Variants in EDNRB observed in about 807,000 individuals in gnomAD.
EDNRB encodes Hirschsprung disease 2.
Under a neutral mutation model 46.4 loss-of-function variants are expected in EDNRB, and 18 were observed. The observed-to-expected ratio is 0.39, with a 90% CI of 0.27 to 0.57. The LOEUF (loss-of-function observed/expected upper bound fraction) is 0.57, where lower values mean the gene tolerates loss of function less well. Among genes scored for constraint, EDNRB ranks in the 20% least tolerant of loss-of-function variants. The pLI, the probability that EDNRB is intolerant of heterozygous loss-of-function variation, is 0.61. For synonymous variants in EDNRB, 213 were observed against 204.9 expected (o/e 1.04, Z -0.34); for missense variants, 434 against 537.5 (o/e 0.81, Z 1.90).
chr13:77,934,683 G>T (rs533537846), intron 1 of EDNRB, among the ~76,000 whole-genome samples: 64 of 150,994 alleles, frequency 4.2e-4, no homozygotes, highest in African/African-American at 1.4e-3. Context: ...TAGGAAAGGG[G>T]GGGGGGGGCC....
intron 1 of EDNRB, chr13:77,947,635 C>T (rs1035206622): frequency 2.0e-5 from 3 of 152,132 alleles, no homozygotes; most frequent in African/African-American, 7.2e-5. Flanking sequence ...CCTGGGGGCT[C>T]ACCATATTGA....
At chr13:77,901,295 G>A in intron 3 of EDNRB, 88 bp from the exon 4 acceptor site, 1 of 1,378,004 alleles carries the variant, frequency 7.3e-7, no homozygotes, top group Non-Finnish European at 1.0e-6. Context: ...AATTCATCAG[G>A]GAATGATTAT....
intron 1 of EDNRB, among the ~76,000 whole-genome samples, chr13:77,971,198 AG>A (rs1054359832): frequency 3.3e-5 from 5 of 152,332 alleles, no homozygotes; most frequent in East Asian, 1.9e-4. Flanking sequence ...GGCGGGGTTT[AG>A]GGTGTTGTAA....
chr13:77,943,358 A>G (rs1594388656), intron 1 of EDNRB, among the ~76,000 whole-genome samples: 1 of 152,104 alleles, frequency 6.6e-6, no homozygotes, highest in East Asian at 1.9e-4. Flanking sequence ...TCTATTAATG[A>G]TGGAGGTTTC....
intron 1 of EDNRB, among the ~76,000 whole-genome samples, chr13:77,925,304 T>C (rs1880205761): frequency 6.6e-6 from 1 of 152,252 alleles, no homozygotes; most frequent in South Asian, 2.1e-4. Flanking sequence ...TGCAAATACC[T>C]CTTTTAATTC....
intron 3 of EDNRB, 138 bp from the exon 4 acceptor site, chr13:77,901,345 C>A (rs3027105): frequency 8.7e-6 from 8 of 923,764 alleles, no homozygotes; most frequent in Admixed American, 2.4e-5. Flanking sequence ...CATACAGAAT[C>A]TTTCAGGCCA....
In EDNRB at chr13:77,918,028, C is replaced by G. The variant is rs537412849; in HGVS notation, c.483+63G>C. On this transcript the variant is annotated intron_variant, in intron 1 of 6. Transcript: ENST00000646607. The surrounding 1 kb of genome is among the most constrained non-coding windows in gnomAD (Gnocchi z 4.5). ...AAGCTCCCTCTACAAGCTTTCTCAT[C>G]TCCCCGTCTCCAACCAGGCCCCCTT... is the stretch of plus-strand genomic sequence containing the variant. 6.2e-7 allele frequency: 1 copy of G among 1,611,992 alleles called. No individual in the cohort carries two copies. Among genetic ancestry groups the G allele is most frequent in the Non-Finnish European group, 8.5e-7 (1 of 1,179,772 alleles).
At chr13:77,970,664 T>C (rs73552441) in intron 1 of EDNRB, among the ~76,000 whole-genome samples, 37,714 of 152,028 alleles carry the variant, frequency 0.25, 5,837 homozygotes, top group East Asian at 0.54. Flanking sequence ...GTTCTTAATT[T>C]TATTTTAAAA....
intron 1 of EDNRB, among the ~76,000 whole-genome samples, chr13:77,926,545 G>T (rs2137649502): frequency 6.6e-6 from 1 of 152,216 alleles, no homozygotes; most frequent in Admixed American, 6.5e-5. Context: ...CTCCATCTGA[G>T]ACCACCTCAG....
At chr13:77,904,229 G>A (rs534977022) in intron 1 of EDNRB, among the ~76,000 whole-genome samples, 6 of 151,856 alleles carry the variant, frequency 4.0e-5, no homozygotes, top group Non-Finnish European at 7.4e-5. Context: ...TGGTTAACTC[G>A]CTTATCTCCT....
At chr13:77,966,367 C>T (rs1469767078) in intron 1 of EDNRB, among the ~76,000 whole-genome samples, 1 of 152,156 alleles carries the variant, frequency 6.6e-6, no homozygotes, top group South Asian at 2.1e-4. Context: ...ACAAACTATA[C>T]TGTCCTAACA....
intron 1 of EDNRB, among the ~76,000 whole-genome samples, chr13:77,927,400 G>T (rs769328618): frequency 8.5e-5 from 13 of 152,166 alleles, no homozygotes; most frequent in African/African-American, 1.4e-4. Context: ...ACCCATCTGG[G>T]GGTGTGAGGT....
At chr13:77,899,718 TA>T in intron 6 of EDNRB, 140 bp downstream of exon 6, 2 of 690,324 alleles carry the variant, frequency 2.9e-6, no homozygotes, top group Non-Finnish European at 4.8e-6. Flanking sequence ...AAGTTGTATT[TA>T]AAAAAATCAT....
intron 1 of EDNRB, among the ~76,000 whole-genome samples, chr13:77,943,195 A>T (rs1227023058): frequency 6.6e-6 from 1 of 152,134 alleles, no homozygotes; most frequent in Non-Finnish European, 1.5e-5. Context: ...TGCTGTGTGG[A>T]TATAGTAATT....
intron 1 of EDNRB, among the ~76,000 whole-genome samples, chr13:77,936,861 G>A (rs1026733691): frequency 6.6e-6 from 1 of 152,222 alleles, no homozygotes; most frequent in African/African-American, 2.4e-5. Flanking sequence ...GCATTTTGAA[G>A]TTCTTGTATG....
intron 1 of EDNRB, among the ~76,000 whole-genome samples, chr13:77,905,094 T>C (rs3027110): frequency 0.047 from 7,075 of 152,036 alleles, 220 homozygotes; most frequent in Admixed American, 0.074. Flanking sequence ...ATATGCTTAA[T>C]GTAGGATCCT....
intron 3 of EDNRB, among the ~76,000 whole-genome samples, chr13:77,902,552 T>A (rs963808979): frequency 1.3e-5 from 2 of 151,910 alleles, no homozygotes; most frequent in African/African-American, 4.8e-5. Context: ...ACCTTAGTCA[T>A]CCTTAGCCAC....
At chr13:77,903,403 A>G in intron 2 of EDNRB, 43 bp from the exon 3 acceptor site, 5 of 1,611,720 alleles carry the variant, frequency 3.1e-6, no homozygotes, top group Non-Finnish European at 4.2e-6. Context: ...GGCATACCTT[A>G]GTTTTATTGA....
In EDNRB at chr13:77,918,688, A is replaced by G; in HGVS notation, c.-115T>C. On this transcript the variant is annotated 5_prime_UTR_variant, in exon 1 of 7. Transcript: ENST00000646607. The surrounding 1 kb of genome is among the most constrained non-coding windows in gnomAD (Gnocchi z 4.5). ...TCAGCTGCCCGAGCCAAGTCGCTGC[A>G]AACGCTAATACCGCCCGCAGCCTCT... 2.1e-6 allele frequency: 3 copies of G among 1,436,062 alleles called. No homozygotes were observed. The highest frequency in any genetic ancestry group is 2.9e-5 in the Admixed American group (1 of 34,518). The allele number at this position is 1,436,062 out of a possible 1,614,324, so 89.0% of individuals were successfully genotyped here. A position where few individuals can be genotyped will look rare whatever the true frequency, so the allele number is the denominator to read the frequency against.
Sources: allele counts gnomAD v4.1 joint callset (sites outside exome capture counted in the v4.1 genomes callset), GRCh38; gene constraint gnomAD v4.1.1; non-coding constraint Gnocchi (gnomAD v3.1); transcripts MANE v1.5; gene names NCBI Gene and HGNC (gene_info 2026-07-23, HGNC 2026-07-21).